Variants in TENM3 observed in about 807,000 individuals in gnomAD.
TENM3 encodes the protein teneurin transmembrane protein 3, also known as teneurin-3.
Under a neutral mutation model 255.1 loss-of-function variants are expected in TENM3, and 63 were observed. That is an observed-to-expected ratio of 0.25 (90% confidence interval 0.20 to 0.30). The LOEUF (loss-of-function observed/expected upper bound fraction) is 0.30. Ranked by LOEUF, TENM3 falls within the 10% of genes least tolerant of loss-of-function variation. TENM3 has a pLI of 1.00. For synonymous variants in TENM3, 1,306 were observed against 1,322.3 expected (o/e 0.99, Z 0.27); for missense variants, 2,929 against 3,461.1 (o/e 0.85, Z 3.86).
At chr4:181,858,010 C>T in the TENM3 span, among the ~76,000 whole-genome samples, 1 of 152,214 alleles carries the variant, frequency 6.6e-6, no homozygotes, top group South Asian at 2.1e-4. Context: ...CGATCCTGAA[C>T]ATATGCTGCA....
At chr4:182,167,922 A>C (rs367980171) in intron 1 of TENM3, among the ~76,000 whole-genome samples, 1 of 152,178 alleles carries the variant, frequency 6.6e-6, no homozygotes, top group Non-Finnish European at 1.5e-5. Context: ...TTGTAGAACT[A>C]TAATTGTTTT....
At chr4:181,686,717 T>C in the TENM3 span, among the ~76,000 whole-genome samples, 1 of 152,192 alleles carries the variant, frequency 6.6e-6, no homozygotes, top group Admixed American at 6.5e-5. Context: ...TTCATTTAAT[T>C]CATTTGTTAT....
At chr4:182,686,776 C>T (rs930818478) in intron 11 of TENM3, among the ~76,000 whole-genome samples, 1 of 152,052 alleles carries the variant, frequency 6.6e-6, no homozygotes, top group Non-Finnish European at 1.5e-5. Flanking sequence ...CTGATAAACA[C>T]CATCACCCTA....
At chr4:181,605,519 A>AAAGAAAGAAAGG in the TENM3 span, among the ~76,000 whole-genome samples, 1 of 22,586 alleles carries the variant, frequency 4.4e-5, no homozygotes, top group South Asian at 1.9e-3. Flanking sequence ...AGAAAGAAAG[A>AAAGAAAGAAAGG]AAGAAAGAAA....
At chr4:182,036,947 T>A in the TENM3 span, among the ~76,000 whole-genome samples, 1 of 152,184 alleles carries the variant, frequency 6.6e-6, no homozygotes, top group Admixed American at 6.5e-5. Context: ...TTTCATGGTG[T>A]GTTGAAAACT....
At chr4:181,678,352 A>G in the TENM3 span, among the ~76,000 whole-genome samples, 1 of 152,038 alleles carries the variant, frequency 6.6e-6, no homozygotes, top group African/African-American at 2.4e-5. Context: ...CGAAAATGTG[A>G]GGGGTTGGTA....
intron 3 of TENM3, among the ~76,000 whole-genome samples, chr4:182,361,046 G>T (rs1480354404): frequency 2.0e-5 from 3 of 152,146 alleles, no homozygotes; most frequent in Non-Finnish European, 4.4e-5. Flanking sequence ...GTTTAATATT[G>T]GCTCCCATTC....
the TENM3 span, among the ~76,000 whole-genome samples, chr4:181,622,354 G>C: frequency 6.6e-6 from 1 of 152,034 alleles, no homozygotes; most frequent in African/African-American, 2.4e-5. Context: ...GTCAAAACCT[G>C]TTTCTTGAAA....
the TENM3 span, among the ~76,000 whole-genome samples, chr4:182,006,347 T>G: frequency 2.0e-5 from 3 of 152,202 alleles, no homozygotes; most frequent in Admixed American, 6.5e-5. Context: ...GCTGTGAATC[T>G]GTCTGGTCCT....
chr4:182,025,967 C>T, the TENM3 span, among the ~76,000 whole-genome samples: 1 of 152,100 alleles, frequency 6.6e-6, no homozygotes, highest in African/African-American at 2.4e-5. Context: ...TAATGCTATC[C>T]CTCTCCCAGT....
chr4:182,085,830 T>A, the TENM3 span, among the ~76,000 whole-genome samples: 1 of 152,234 alleles, frequency 6.6e-6, no homozygotes, highest in Admixed American at 6.5e-5. Context: ...ACATATATAT[T>A]GCGTTTTTCT....
the TENM3 span, among the ~76,000 whole-genome samples, chr4:182,032,414 TG>T: frequency 6.6e-6 from 1 of 152,328 alleles, no homozygotes; most frequent in South Asian, 2.1e-4. Context: ...TTGATCATGG[TG>T]GATGAGCTTT....
the TENM3 span, among the ~76,000 whole-genome samples, chr4:181,504,632 G>A: frequency 6.6e-6 from 1 of 152,162 alleles, no homozygotes; most frequent in African/African-American, 2.4e-5. Context: ...CTACAATCCA[G>A]TTAGCTGAAT....
intron 22 of TENM3, among the ~76,000 whole-genome samples, chr4:182,771,104 C>T (rs1459423278): frequency 6.6e-6 from 1 of 152,180 alleles, no homozygotes; most frequent in Non-Finnish European, 1.5e-5. Context: ...GGCTGTATCT[C>T]CCTGTGCCGA....
At chr4:182,686,562 A>G (rs1183372012) in intron 11 of TENM3, among the ~76,000 whole-genome samples, 2 of 152,158 alleles carry the variant, frequency 1.3e-5, no homozygotes, top group African/African-American at 4.8e-5. Context: ...ACCCGAAGAA[A>G]CATTGGTTAA....
chr4:181,487,395 T>C, the TENM3 span, among the ~76,000 whole-genome samples: 1 of 152,118 alleles, frequency 6.6e-6, no homozygotes, highest in Non-Finnish European at 1.5e-5. Flanking sequence ...ACAATAGAAA[T>C]TAACTTCTCA....
intron 3 of TENM3, among the ~76,000 whole-genome samples, chr4:182,517,395 T>C (rs1738090277): frequency 7.1e-6 from 1 of 141,796 alleles, no homozygotes; most frequent in Non-Finnish European, 1.5e-5. Context: ...TTTTTTTTTT[T>C]TTTTTTGAGA....
chr4:181,667,564 G>C, the TENM3 span, among the ~76,000 whole-genome samples: 2 of 152,058 alleles, frequency 1.3e-5, no homozygotes, highest in African/African-American at 4.8e-5. Context: ...GTTTGTTATG[G>C]AGGGGAGTGG....
At chr4:182,027,488 C>A in the TENM3 span, among the ~76,000 whole-genome samples, 1 of 151,692 alleles carries the variant, frequency 6.6e-6, no homozygotes, top group African/African-American at 2.4e-5. Flanking sequence ...ATTGCTCTAG[C>A]TAGGATTTGC....
Sources: gnomAD v4.1 joint callset for allele counts (sites outside exome capture counted in the v4.1 genomes callset) on GRCh38, gnomAD v4.1.1 for gene constraint, MANE v1.5 for transcripts, NCBI Gene and HGNC (gene_info 2026-07-23, HGNC 2026-07-21) for gene names.